The following ACAN variants were observed in gnomAD, a reference collection of about 807,000 sequenced individuals.
ACAN encodes the protein aggrecan.
Under a neutral mutation model 169.1 loss-of-function variants are expected in ACAN, and 47 were observed. That is an observed-to-expected ratio of 0.28 (90% confidence interval 0.22 to 0.35). ACAN has a LOEUF of 0.35. Among genes scored for constraint, ACAN ranks in the 10% least tolerant of loss-of-function variants. ACAN has a pLI of 1.00. For synonymous variants in ACAN, 1,115 were observed against 1,112.2 expected, an observed-to-expected ratio of 1.00 and a Z score of -0.05; for missense variants, 2,716 against 2,759.9, an observed-to-expected ratio of 0.98 and a Z score of 0.36.
In ACAN at chr15:88,851,366, T is replaced by TC; in HGVS notation, c.2027-428_2027-427insC. 1.2e-5 allele frequency: 2 copies of TC among 161,078 alleles called. No homozygotes were observed. The highest frequency in any genetic ancestry group is 1.4e-5 in the Non-Finnish European group (1 of 73,610). The allele number at this position is 161,078 out of a possible 1,614,324, so 10.0% of individuals were successfully genotyped here. ...GTTCAGTAGTTGAGAGCGTGGAGTC[T>TC]GGTACCAGATGCTTAAATTCAAAGA... On this transcript the variant is annotated intron_variant, in intron 10 of 18. Coordinates refer to ENST00000560601, the MANE Select transcript of ACAN (RefSeq NM_001369268.1). This position sits in a 1 kb window ranked among gnomAD's most constrained non-coding sequence, Gnocchi z 4.3.
At chr15:88,840,937 G>T (rs1000487368) in intron 4 of ACAN, among the ~76,000 whole-genome samples, 1 of 152,194 alleles carries the variant, frequency 6.6e-6, no homozygotes, top group African/African-American at 2.4e-5. Context: ...GAAGTCAGGA[G>T]ATCGAGACCA....
In ACAN at chr15:88,843,543, C is replaced by G; in HGVS notation, c.946C>G (p.Pro316Ala). 6.2e-7 allele frequency: 1 copy of G among 1,612,684 alleles called. No homozygotes were observed. The change falls in exon 6 of 19, where the codon CCC becomes GCC. Residue 316 changes from proline to alanine, a missense_variant. Pro to Ala is a conservative substitution (Grantham distance 27). Around this residue, in one of 3 missense-constraint regions of ACAN, gnomAD observed 1,283 missense variants for 1,281.5 expected, o/e 1.00. Coordinates refer to ENST00000560601, the MANE Select transcript of ACAN (RefSeq NM_001369268.1). This position sits in a 1 kb window ranked among gnomAD's most constrained non-coding sequence, Gnocchi z 4.0. ...SVRYPISKAR[P>A]NCGGNLLGVR... ...GCGCTACCCCATCTCCAAGGCCCGGCCCAACTGCGGTGGCAACCTCCTGGG... is the reference window on the plus strand; with the variant it reads ...GCGCTACCCCATCTCCAAGGCCCGGGCCAACTGCGGTGGCAACCTCCTGGG...
chr15:88,851,874 A>T lies in ACAN; in HGVS notation c.2107A>T (p.Thr703Ser). The change falls in exon 11 of 19, where the codon ACC becomes TCC. Residue 703 changes from threonine to serine, a missense_variant. Transcript: ENST00000560601. The surrounding 1 kb of genome is among the most constrained non-coding windows in gnomAD (Gnocchi z 4.3). ...SPSGVEEWIV[T>S]QVVPGVAAVP... ...CTCTGGTGTGGAGGAGTGGATCGTG[A>T]CCCAAGTGGTTCCTGGTGTGGCTGC... 6.2e-7 allele frequency: 1 copy of T among 1,612,468 alleles called. No homozygotes were observed. The highest frequency in any genetic ancestry group is 1.3e-5 in the African/African-American group (1 of 74,978).
chr15:88,823,123 C>G (rs945604373), intron 1 of ACAN, among the ~76,000 whole-genome samples: 2 of 152,202 alleles, frequency 1.3e-5, no homozygotes, highest in African/African-American at 4.8e-5. Flanking sequence ...AAGCATCACA[C>G]TGGGTCTCCC....
Position 88,873,638 on chromosome 15 carries a change from G to T in ACAN, c.7448-204G>T. ...CATCCCTTTAAAGACCACCCCGTTTGTATTCCCTTCCTGCTGTTCTAAATT... is the reference window on the plus strand; with the variant it reads ...CATCCCTTTAAAGACCACCCCGTTTTTATTCCCTTCCTGCTGTTCTAAATT... On this transcript the variant is annotated intron_variant, in intron 17 of 18. Coordinates refer to ENST00000560601, the MANE Select transcript of ACAN (RefSeq NM_001369268.1). The surrounding 1 kb of genome is among the most constrained non-coding windows in gnomAD (Gnocchi z 7.5). 1.7e-6 allele frequency: 1 copy of T among 594,780 alleles called. No homozygotes were observed. Among genetic ancestry groups the T allele is most frequent in the Non-Finnish European group, 3.0e-6 (1 of 337,112 alleles). 36.8% of individuals were successfully genotyped at this position (594,780 alleles called of 1,614,324 possible).
intron 1 of ACAN, among the ~76,000 whole-genome samples, chr15:88,812,945 C>T (rs1450146237): frequency 2.0e-5 from 3 of 152,164 alleles, no homozygotes; most frequent in African/African-American, 7.2e-5. Flanking sequence ...TAGAACATGC[C>T]TTCCAAGGCC....
Position 88,860,448 on chromosome 15 carries a change from C to T in ACAN, c.6946+9C>T. 2 of 1,609,478 alleles carry T rather than the reference C, an allele frequency of 1.2e-6. No individual in the cohort carries two copies. ...CGAGCACTGTAACATAGGTAAGGCC[C>T]TCATTGGCCGTGGAGAGTGAGGGCG... On this transcript the variant is annotated intron_variant, in intron 13 of 18. Transcript: ENST00000560601.
In ACAN at chr15:88,847,818, A is replaced by C. The variant is rs923199953; in HGVS notation, c.1605-93A>C. 9 of 1,451,206 alleles carry C rather than the reference A, an allele frequency of 6.2e-6. No homozygotes were observed. In the African/African-American group the frequency reaches 1.3e-4, roughly 21 times the overall value. 89.9% of individuals were successfully genotyped at this position (1,451,206 alleles called of 1,614,324 possible). On this transcript the variant is annotated intron_variant, in intron 8 of 18. Coordinates refer to ENST00000560601, the MANE Select transcript of ACAN (RefSeq NM_001369268.1). Reference sequence around the variant, plus strand: ...CACCAGACAACTGAAGACATCTCCAAGTCCCTGAGTAGCCTCTGGCCTCAG... The same window carrying C: ...CACCAGACAACTGAAGACATCTCCACGTCCCTGAGTAGCCTCTGGCCTCAG...
At chr15:88,844,143 G>A (rs1336346219) in intron 6 of ACAN, among the ~76,000 whole-genome samples, 1 of 151,904 alleles carries the variant, frequency 6.6e-6, no homozygotes, top group African/African-American at 2.4e-5. Context: ...TTGTTTTTTT[G>A]TTTTTCTTTG....
chr15:88,853,899 C>CT (rs1431951652), intron 11 of ACAN, among the ~76,000 whole-genome samples: 1 of 150,612 alleles, frequency 6.6e-6, no homozygotes, highest in Non-Finnish European at 1.5e-5. Flanking sequence ...ACCTCCCCCT[C>CT]TAAGATTCTC....
At chr15:88,844,163 C>T (rs929613561) in intron 6 of ACAN, among the ~76,000 whole-genome samples, 5 of 152,040 alleles carry the variant, frequency 3.3e-5, no homozygotes, top group Admixed American at 2.6e-4. Flanking sequence ...GAGACAGGGT[C>T]TCACTCTGTC....
intron 7 of ACAN, among the ~76,000 whole-genome samples, chr15:88,846,149 T>A (rs2141583232): frequency 6.6e-6 from 1 of 152,286 alleles, no homozygotes; most frequent in African/African-American, 2.4e-5. Flanking sequence ...ATGTGCCACA[T>A]AGTTCTAAGG....
Position 88,868,173 on chromosome 15 carries a change from G to A in ACAN, c.6947-43G>A. ...AGGCCACAGTGCTTGTGAGGCTGGA[G>A]TTGCCGGCAGGAGTCCTAATGGTGG... On this transcript the variant is annotated intron_variant, in intron 13 of 18. Transcript: ENST00000560601. The surrounding 1 kb of genome is among the most constrained non-coding windows in gnomAD (Gnocchi z 5.2). The A allele has an allele frequency of 1.4e-6, 1 of 693,310 alleles. No individual in the cohort carries two copies. The highest frequency in any genetic ancestry group is 2.6e-6 in the Non-Finnish European group (1 of 379,766). The allele number at this position is 693,310 out of a possible 1,614,324, so 42.9% of individuals were successfully genotyped here.
intron 7 of ACAN, 87 bp from the exon 8 acceptor site, chr15:88,847,156 G>A (rs1365354228): frequency 1.5e-6 from 2 of 1,329,930 alleles, no homozygotes; most frequent in Admixed American, 2.6e-5. Context: ...TCAGGCAGCA[G>A]GAGTTGGCCC....
At chr15:88,852,161 T>G (rs943217980) in intron 11 of ACAN, 128 bp downstream of exon 11, 5 of 1,385,904 alleles carry the variant, frequency 3.6e-6, no homozygotes, top group Non-Finnish European at 4.8e-6. Context: ...TGACACTGGC[T>G]GGGTGTTCTG....
At chr15:88,829,404 C>A (rs940815138) in intron 1 of ACAN, among the ~76,000 whole-genome samples, 2 of 152,160 alleles carry the variant, frequency 1.3e-5, no homozygotes, top group African/African-American at 4.8e-5. Context: ...CTTCCCGTTT[C>A]TATACCATCC....
intron 5 of ACAN, among the ~76,000 whole-genome samples, chr15:88,842,546 G>C (rs114539957): frequency 0.026 from 3,741 of 144,788 alleles, 157 homozygotes; most frequent in African/African-American, 0.091. Flanking sequence ...AGTGCCCACA[G>C]CTCCTCCAGG....
At position 88,857,410 on chromosome 15, in the gene ACAN, C is replaced by T. The variant is rs1486654066; in HGVS notation, c.4825C>T (p.Leu1609=). 3 of 1,613,794 alleles carry T rather than the reference C, an allele frequency of 1.9e-6. No individual in the cohort carries two copies. Among genetic ancestry groups the T allele is most frequent in the African/African-American group, 1.3e-5 (1 of 74,936 alleles). The change falls in exon 12 of 19, where the codon CTG becomes TTG. Residue 1609 remains leucine (L), a synonymous_variant. Coordinates refer to ENST00000560601, the MANE Select transcript of ACAN (RefSeq NM_001369268.1). ...TTCTGGAGACTTGGACTTGGGCAAA[C>T]TGCCTTCTGGAACTCTAGGAAGTGG... ...SASGDLDLGK[L]PSGTLGSGQA...
intron 2 of ACAN, among the ~76,000 whole-genome samples, chr15:88,837,710 T>C (rs2141560410): frequency 6.6e-6 from 1 of 152,262 alleles, no homozygotes; most frequent in Admixed American, 6.5e-5. Context: ...AAGGGGCCAG[T>C]GGGACTGCCC....
Sources: allele counts gnomAD v4.1 joint callset (sites outside exome capture counted in the v4.1 genomes callset), GRCh38; gene constraint gnomAD v4.1.1; regional missense constraint gnomAD v4.1.1; non-coding constraint Gnocchi (gnomAD v3.1); transcripts MANE v1.5; gene names NCBI Gene and HGNC (gene_info 2026-07-23, HGNC 2026-07-21).